Variants in OLAH observed in about 807,000 individuals in gnomAD.
The protein encoded by OLAH is S-acyl fatty acid synthase thioesterase, medium chain.
In OLAH, 33 loss-of-function variants were observed where a neutral mutation model predicts 27.8. The observed-to-expected ratio is 1.19, with a 90% CI of 0.90 to 1.59. The LOEUF (loss-of-function observed/expected upper bound fraction) is 1.59. OLAH is among the 40% of genes most tolerant of loss of function. OLAH has a pLI of 0.00. For missense variants in OLAH, 359 were observed against 310.8 expected, an observed-to-expected ratio of 1.16 and a Z score of -1.17; for synonymous variants, 120 against 102.9, an observed-to-expected ratio of 1.17 and a Z score of -1.01.
chr10:15,046,850 T>G (rs1471952228), intron 1 of OLAH, among the ~76,000 whole-genome samples: 1 of 152,208 alleles, frequency 6.6e-6, no homozygotes, highest in African/African-American at 2.4e-5. Context: ...ATGGAATGTT[T>G]TCTGTTCTTT....
chr10:15,051,593 C>T (rs1161036880), intron 3 of OLAH, among the ~76,000 whole-genome samples: 1 of 152,160 alleles, frequency 6.6e-6, no homozygotes, highest in Non-Finnish European at 1.5e-5. Context: ...CTTAGAGACA[C>T]ACCTATTATC....
At chr10:15,061,496 T>C (rs1041230784) in intron 3 of OLAH, among the ~76,000 whole-genome samples, 1 of 152,168 alleles carries the variant, frequency 6.6e-6, no homozygotes, top group African/African-American at 2.4e-5. Flanking sequence ...TTTTTTCTTT[T>C]TCTTCTAGGT....
upstream of OLAH, among the ~76,000 whole-genome samples, chr10:15,041,520 C>G (rs549665314): frequency 6.6e-6 from 1 of 151,420 alleles, no homozygotes. Flanking sequence ...TCAGGTGATC[C>G]GCCTGCCTCG....
chr10:15,058,865 G>C (rs1328446420), intron 3 of OLAH, among the ~76,000 whole-genome samples: 1 of 151,874 alleles, frequency 6.6e-6, no homozygotes, highest in Non-Finnish European at 1.5e-5. Context: ...GGTGACAGTT[G>C]TTCCCTCCCT....
At position 15,071,887 on chromosome 10, in the gene OLAH, T is replaced by C. The variant is rs1844594613; in HGVS notation, c.655+10T>C. On this transcript the variant is annotated intron_variant, in intron 7 of 7. Coordinates refer to ENST00000378228, the MANE Select transcript of OLAH (RefSeq NM_001039702.3). ...GCAAAGGACATGGAAGGTGAAATTA[T>C]TTTTAGTCTCGAGTATTGTATTGAA... 1 of 1,593,872 alleles carries C rather than the reference T, an allele frequency of 6.3e-7. No homozygotes were observed. Among genetic ancestry groups the C allele is most frequent in the African/African-American group, 1.3e-5 (1 of 74,472 alleles).
At chr10:15,052,761 C>T (rs1844170368) in intron 3 of OLAH, among the ~76,000 whole-genome samples, 1 of 111,012 alleles carries the variant, frequency 9.0e-6, no homozygotes, top group African/African-American at 3.3e-5. Flanking sequence ...CAGAGTCTCA[C>T]TCTGTCACCC....
intron 3 of OLAH, 80 bp from the exon 4 acceptor site, chr10:15,061,644 G>A (rs1844365566): frequency 1.3e-5 from 17 of 1,340,400 alleles, no homozygotes; most frequent in Non-Finnish European, 1.6e-5. Flanking sequence ...TTTTCCATCA[G>A]GTAAATATGA....
chr10:15,047,106 A>G lies in OLAH; in HGVS notation c.-163-20A>G, dbSNP rs1337685929. On this transcript the variant is annotated intron_variant, in intron 1 of 7. Coordinates refer to ENST00000378228, the MANE Select transcript of OLAH (RefSeq NM_001039702.3). ...CTGTCTTCTCCTTCCTTTTCCTCTG[A>G]CCTTCTTTATTTTTAACAGGGATTG... 2.1e-6 allele frequency: 1 copy of G among 472,848 alleles called. No homozygotes were observed. The highest frequency in any genetic ancestry group is 3.7e-6 in the Non-Finnish European group (1 of 268,126). 29.3% of individuals were successfully genotyped at this position (472,848 alleles called of 1,614,324 possible).
chr10:15,065,835 CT>C, intron 6 of OLAH, 82 bp downstream of exon 6: 1 of 1,303,288 alleles, frequency 7.7e-7, no homozygotes, highest in Non-Finnish European at 1.1e-6. Flanking sequence ...TCTGAGGTTG[CT>C]TATGTGGGAA....
chr10:15,071,760 C>T, intron 6 of OLAH, 35 bp from the exon 7 acceptor site: 1 of 1,556,678 alleles, frequency 6.4e-7, no homozygotes, highest in East Asian at 2.2e-5. Context: ...ATGTTGATTT[C>T]AAACAATTAC....
Position 15,073,229 on chromosome 10 carries a change from G to A in OLAH, c.798G>A (p.Ter266=). The A allele has an allele frequency of 6.4e-7, 1 of 1,559,762 alleles. No individual in the cohort carries two copies. The highest frequency in any genetic ancestry group is 8.8e-7 in the Non-Finnish European group (1 of 1,140,482). ...CLEVSSISNF[*] is the part of the protein sequence containing the mutation. Reference sequence around the variant, plus strand: ...AAGTATCATCGATATCCAATTTTTAGATATTTTCCCTTTCACTTTTAAAAT... The same window carrying A: ...AAGTATCATCGATATCCAATTTTTAAATATTTTCCCTTTCACTTTTAAAAT... Residue 266 remains the stop codon, a stop_retained_variant, in exon 8 of 8, where the codon TAG becomes TAA. Transcript: ENST00000378228.
rs150639469 is a variant in OLAH at position 15,065,894 on chromosome 10, G to A, written c.572+141G>A. ...TTCATTTCCTTTGGGGCCACCTATG[G>A]TATGTATACTGGTTTAGAATGGAGC... On this transcript the variant is annotated intron_variant, in intron 6 of 7. Transcript: ENST00000378228. The A allele has an allele frequency of 5.3e-4, 366 of 688,046 alleles. 4 individuals carry two copies. Among genetic ancestry groups the A allele is most frequent in the African/African-American group, 5.0e-3 (279 of 55,406 alleles). The allele number at this position is 688,046 out of a possible 1,614,324, so 42.6% of individuals were successfully genotyped here. A position where few individuals can be genotyped will look rare whatever the true frequency, so the allele number is the denominator to read the frequency against.
At chr10:15,056,845 C>G (rs749516773) in intron 3 of OLAH, 2 of 1,511,176 alleles carry the variant, frequency 1.3e-6, no homozygotes, top group Non-Finnish European at 1.8e-6. Flanking sequence ...CACCATGTTG[C>G]CAAGGCTGGT....
At chr10:15,065,832 T>C (rs1844457062) in intron 6 of OLAH, 79 bp downstream of exon 6, 1 of 1,349,540 alleles carries the variant, frequency 7.4e-7, no homozygotes, top group Non-Finnish European at 1.0e-6. Flanking sequence ...TGCTCTGAGG[T>C]TGCTTATGTG....
At chr10:15,071,095 T>G (rs1844577980) in intron 6 of OLAH, among the ~76,000 whole-genome samples, 1 of 152,086 alleles carries the variant, frequency 6.6e-6, no homozygotes, top group Admixed American at 6.6e-5. Flanking sequence ...GCCATTAATT[T>G]GTTGTCTTTC....
intron 4 of OLAH, chr10:15,062,160 CG>C: frequency 4.5e-6 from 1 of 221,090 alleles, no homozygotes; most frequent in South Asian, 1.1e-4. Flanking sequence ...TCTTAAGCTA[CG>C]TTGTATAATT....
intron 2 of OLAH, among the ~76,000 whole-genome samples, chr10:15,048,343 G>A (rs1450163651): frequency 6.6e-5 from 10 of 152,010 alleles, no homozygotes; most frequent in African/African-American, 1.5e-4. Context: ...TCAGCCTCCC[G>A]AGTAGCTGGG....
chr10:15,050,633 C>T (rs531034875), intron 3 of OLAH, among the ~76,000 whole-genome samples: 208 of 151,268 alleles, frequency 1.4e-3, no homozygotes, highest in African/African-American at 4.8e-3. Context: ...GCTCCGCTTC[C>T]GGGTTCACAC....
In OLAH at chr10:15,034,498, C is replaced by T. The variant is rs187824022; in HGVS notation, c.-164+2148C>T. Among the ~76,000 whole-genome samples the T allele has an allele frequency of 1.2e-4, 19 of 152,200 alleles. No homozygotes were observed. The East Asian group carries it at 1.7e-3, about 14-fold the overall frequency. ...GGCAAGAAAGGATACTAAGGAACTC[C>T]GAAAGGAAATACAATGAAGAAGGAA... On this transcript the variant is annotated intron_variant, in intron 1 of 3. Coordinates refer to the OLAH transcript ENST00000413672.
Sources: gnomAD v4.1 joint callset for allele counts (sites outside exome capture counted in the v4.1 genomes callset) on GRCh38, gnomAD v4.1.1 for gene constraint, MANE v1.5 for transcripts, NCBI Gene and HGNC (gene_info 2026-07-23, HGNC 2026-07-21) for gene names.